RPGR: variants seen among roughly 807,000 people sequenced by gnomAD.
The protein encoded by RPGR is retinitis pigmentosa GTPase regulator, also known as X-linked retinitis pigmentosa GTPase regulator.
In RPGR, 10 loss-of-function variants were observed where a neutral mutation model predicts 56.3. That is an observed-to-expected ratio of 0.18 (90% CI 0.11 to 0.30). The LOEUF is 0.30. RPGR is among the 10% of genes least tolerant of loss of function. The pLI, the probability that RPGR is intolerant of heterozygous loss-of-function variation, is 1.00. For synonymous variants in RPGR, 197 were observed against 212.9 expected (o/e 0.93, Z 0.65); for missense variants, 538 against 590.9 (o/e 0.91, Z 0.93).
chrX:38,297,203 A>G, intron 11 of RPGR, 81 bp downstream of exon 11: 1 of 1,014,420 alleles, frequency 9.9e-7, no homozygotes, highest in Non-Finnish European at 1.4e-6. Flanking sequence ...ATAACTGGAG[A>G]AAACATCTTA....
At chrX:38,321,988 T>C (rs1157146341) in intron 3 of RPGR, among the ~76,000 whole-genome samples, 5 of 112,057 alleles carry the variant, frequency 4.5e-5, no homozygotes, top group Admixed American at 9.5e-5. Flanking sequence ...TGTTAGCTTG[T>C]CTATTAGATA....
Position 38,269,749 on chromosome X carries a change from T to C in RPGR, c.2325A>G (p.Ile775Met). ...CACTTTTTAAAATGATCTGGTCTCCTATGGATTTTATCTCTGGGAGCGGCT... is the reference window on the plus strand; with the variant it reads ...CACTTTTTAAAATGATCTGGTCTCCCATGGATTTTATCTCTGGGAGCGGCT... Residue 775 changes from isoleucine to methionine, a missense_variant, in exon 19 of 19, where the codon ATA (isoleucine) becomes ATG (methionine). Ile to Met is a conservative substitution (Grantham distance 10). Around this residue, in one of 2 missense-constraint regions of RPGR, gnomAD observed 357 missense variants for 325.8 expected, o/e 1.10. Coordinates refer to ENST00000642395, the MANE Select transcript of RPGR (RefSeq NM_000328.3). 8.3e-7 allele frequency: 1 copy of C among 1,208,863 alleles called. No homozygotes were observed. Among genetic ancestry groups the C allele is most frequent in the African/African-American group, 1.7e-5 (1 of 57,767 alleles).
chrX:38,321,713 G>A (rs925670229), intron 3 of RPGR, among the ~76,000 whole-genome samples: 2 of 109,433 alleles, frequency 1.8e-5, no homozygotes, highest in African/African-American at 3.3e-5. Context: ...GAGACCCACT[G>A]TATTCTATTA....
Position 38,286,084 on chromosome X carries a change from C to T in RPGR, c.1905+1010G>A. Reference sequence around the variant, plus strand: ...CTCCCCTTCTCCTTCCTCCCCTTCCCCTTCTCCTTCCTCTTCCCCCTCCCC... The same window carrying T: ...CTCCCCTTCTCCTTCCTCCCCTTCCTCTTCTCCTTCCTCTTCCCCCTCCCC... On this transcript the variant is annotated intron_variant, in intron 15 of 18. Coordinates refer to ENST00000642395, the MANE Select transcript of RPGR (RefSeq NM_000328.3). 3 of 417,384 alleles carry T rather than the reference C, an allele frequency of 7.2e-6. No homozygotes were observed. The South Asian group carries it at 1.1e-4, about 15-fold the overall frequency. 34.4% of individuals were successfully genotyped at this position (417,384 alleles called of 1,213,427 possible). A position where few individuals can be genotyped will look rare whatever the true frequency, so the allele number is the denominator to read the frequency against.
chrX:38,323,061 G>A (rs1246269789), intron 2 of RPGR, 116 bp from the exon 3 acceptor site: 33 of 598,953 alleles, frequency 5.5e-5, no homozygotes, highest in Non-Finnish European at 9.0e-5. Context: ...TTTCTGTGTT[G>A]AAATAAGTTA....
chrX:38,297,247 C>T (rs976713176), intron 11 of RPGR, 37 bp downstream of exon 11: 2 of 1,184,294 alleles, frequency 1.7e-6, no homozygotes, highest in Non-Finnish European at 2.3e-6. Flanking sequence ...ATAAAAGGCA[C>T]ATTTATCCTG....
chrX:38,316,439 A>G (rs2067830453), intron 6 of RPGR, among the ~76,000 whole-genome samples: 1 of 111,960 alleles, frequency 8.9e-6, no homozygotes, highest in African/African-American at 3.2e-5. Context: ...CAAATATGAT[A>G]CAATGCTTTT....
chrX:38,299,243 C>T (rs1487881084), intron 9 of RPGR, 102 bp from the exon 10 acceptor site: 6 of 839,770 alleles, frequency 7.1e-6, no homozygotes, highest in East Asian at 3.4e-5. Context: ...TGGTAGGCTT[C>T]CTAGACAGAC....
At chrX:38,285,134 T>C in intron 15 of RPGR, 1 of 763,608 alleles carries the variant, frequency 1.3e-6, no homozygotes, top group Non-Finnish European at 1.6e-6. Flanking sequence ...CTAACATATT[T>C]ATAAGAAATT....
At chrX:38,317,591 C>A (rs1279842822) in intron 5 of RPGR, 126 bp from the exon 6 acceptor site, 1 of 566,338 alleles carries the variant, frequency 1.8e-6, no homozygotes. Flanking sequence ...CAATAAAGTA[C>A]TACTAAGACA....
At chrX:38,276,087 A>T (rs2066928676) in intron 16 of RPGR, among the ~76,000 whole-genome samples, 1 of 111,820 alleles carries the variant, frequency 8.9e-6, no homozygotes, top group Non-Finnish European at 1.9e-5. Flanking sequence ...CCTTAGTGAT[A>T]TCTTCTCCTA....
intron 13 of RPGR, 69 bp from the exon 14 acceptor site, chrX:38,288,110 TTAAA>T (rs1284007003): frequency 3.3e-6 from 3 of 922,329 alleles, no homozygotes; most frequent in African/African-American, 1.9e-5. Context: ...CTTATCTACT[TTAAA>T]TACTGCCAAG....
chrX:38,297,715 C>T (rs1372162076), intron 10 of RPGR, among the ~76,000 whole-genome samples: 3 of 111,028 alleles, frequency 2.7e-5, no homozygotes, highest in African/African-American at 9.8e-5. Flanking sequence ...CTCTACACTC[C>T]CTAAGAAACA....
At chrX:38,294,299 G>T (rs2067341009) in intron 11 of RPGR, among the ~76,000 whole-genome samples, 1 of 111,377 alleles carries the variant, frequency 9.0e-6, no homozygotes, top group Non-Finnish European at 1.9e-5. Context: ...TCAAATGTTA[G>T]ATGTTCTTAG....
intron 6 of RPGR, among the ~76,000 whole-genome samples, chrX:38,315,841 A>AG (rs1365556432): frequency 1.4e-4 from 14 of 100,378 alleles, no homozygotes; most frequent in Middle Eastern, 4.9e-3. Context: ...ATATATATAG[A>AG]GAGAGAGAGA....
intron 8 of RPGR, among the ~76,000 whole-genome samples, chrX:38,302,977 T>A (rs997460878): frequency 9.1e-6 from 1 of 109,968 alleles, no homozygotes; most frequent in African/African-American, 3.3e-5. Flanking sequence ...TGCTGGCTAA[T>A]TTTTGAATAT....
chrX:38,291,343 T>C, intron 12 of RPGR, 50 bp downstream of exon 12: 1 of 757,514 alleles, frequency 1.3e-6, no homozygotes, highest in Non-Finnish European at 2.0e-6. Context: ...ACATACACAA[T>C]GAACTAAAAT....
At chrX:38,303,545 A>C (rs959750159) in intron 8 of RPGR, 2 of 257,395 alleles carry the variant, frequency 7.8e-6, no homozygotes, top group African/African-American at 2.8e-5. Context: ...CAGTAAGGAC[A>C]GATAAAGTGA....
intron 1 of RPGR, among the ~76,000 whole-genome samples, chrX:38,325,148 C>T (rs769637155): frequency 3.2e-4 from 31 of 96,437 alleles, no homozygotes; most frequent in Admixed American, 1.8e-3. Context: ...CAAGCCTGGG[C>T]GACAGTGTGA....
Sources: gnomAD v4.1 joint callset for allele counts (sites outside exome capture counted in the v4.1 genomes callset) on GRCh38, gnomAD v4.1.1 for gene constraint, gnomAD v4.1.1 regional missense constraint, MANE v1.5 for transcripts, NCBI Gene and HGNC (gene_info 2026-07-23, HGNC 2026-07-21) for gene names.